The following LHFPL3 variants were observed in gnomAD, a reference collection of about 807,000 sequenced individuals.
LHFPL3 encodes LHFPL tetraspan subfamily member 3 protein.
Under a neutral mutation model 19.3 loss-of-function variants are expected in LHFPL3, and 5 were observed. The observed-to-expected ratio is 0.26, with a 90% confidence interval of 0.14 to 0.54. The LOEUF (loss-of-function observed/expected upper bound fraction) is 0.54, where lower values mean the gene tolerates loss of function less well. LHFPL3 is among the 20% of genes least tolerant of loss of function. The pLI is 0.94. For synonymous variants in LHFPL3, 133 were observed against 126.2 expected (o/e 1.05, Z -0.36); for missense variants, 249 against 307.4 (o/e 0.81, Z 1.42).
At chr7:104,445,196 T>C (rs534171201) in intron 1 of LHFPL3, among the ~76,000 whole-genome samples, 2 of 152,328 alleles carry the variant, frequency 1.3e-5, no homozygotes, top group African/African-American at 4.8e-5. Flanking sequence ...TCCTTAGAAA[T>C]ACTTAAGTGC....
rs1002706918 is a variant in LHFPL3, at chr7:104,607,551, G to A, written c.446-129124G>A. Reference sequence around the variant, plus strand: ...CACCATGAGTAAGTCCAGGAAGACCGAAGATCCAGGGGTTATTGAAAAAGG... The same window carrying A: ...CACCATGAGTAAGTCCAGGAAGACCAAAGATCCAGGGGTTATTGAAAAAGG... On this transcript the variant is annotated intron_variant, in intron 1 of 2. Coordinates refer to ENST00000424859, the MANE Select transcript of LHFPL3 (RefSeq NM_199000.3). 4.6e-5 allele frequency among the ~76,000 whole-genome samples: 7 copies of A among 152,300 alleles called. No individual in the cohort carries two copies. In the East Asian group the frequency reaches 9.6e-4, roughly 21 times the overall value.
chr7:104,442,533 G>C (rs1025461479), intron 1 of LHFPL3, among the ~76,000 whole-genome samples: 2 of 152,138 alleles, frequency 1.3e-5, no homozygotes, highest in African/African-American at 4.8e-5. Context: ...CTAAAGCTTT[G>C]TCAACTATTA....
At chr7:104,375,710 A>G (rs1790701828) in intron 1 of LHFPL3, among the ~76,000 whole-genome samples, 2 of 152,338 alleles carry the variant, frequency 1.3e-5, no homozygotes, top group Middle Eastern at 6.8e-3. Context: ...TGGTAGAGAC[A>G]ATGGGTGCAA....
At chr7:104,750,721 G>T (rs948363739) in intron 2 of LHFPL3, among the ~76,000 whole-genome samples, 3 of 152,168 alleles carry the variant, frequency 2.0e-5, no homozygotes, top group Admixed American at 6.5e-5. Flanking sequence ...TTGTTGTATT[G>T]TGGTAACTGG....
chr7:104,840,308 C>CTTTTTTTT (rs67980957), intron 2 of LHFPL3, among the ~76,000 whole-genome samples: 2 of 118,374 alleles, frequency 1.7e-5, no homozygotes, highest in African/African-American at 6.4e-5. Context: ...TGTGGGTTTT[C>CTTTTTTTT]TTTTTTTTTT....
chr7:104,802,514 AAG>A (rs199754702), intron 2 of LHFPL3, among the ~76,000 whole-genome samples: 2 of 141,646 alleles, frequency 1.4e-5, no homozygotes. Flanking sequence ...AAAAAAAAAA[AAG>A]AGAGAGAGAG....
At chr7:104,340,917 G>A (rs531744053) in intron 1 of LHFPL3, among the ~76,000 whole-genome samples, 28 of 152,284 alleles carry the variant, frequency 1.8e-4, no homozygotes, top group African/African-American at 6.7e-4. Flanking sequence ...AGGAAGCCAT[G>A]TTTTGAAGAA....
At chr7:104,761,670 T>A (rs1794373985) in intron 2 of LHFPL3, among the ~76,000 whole-genome samples, 1 of 152,186 alleles carries the variant, frequency 6.6e-6, no homozygotes, top group Admixed American at 6.5e-5. Context: ...GCAGGATCCC[T>A]TCATTTGATT....
chr7:104,864,203 T>G (rs1376260798), intron 2 of LHFPL3, among the ~76,000 whole-genome samples: 2 of 152,040 alleles, frequency 1.3e-5, no homozygotes, highest in East Asian at 3.9e-4. Context: ...AGAAGATGGG[T>G]TATTTCTGCA....
At chr7:104,648,123 C>T (rs1791964314) in intron 1 of LHFPL3, among the ~76,000 whole-genome samples, 1 of 152,176 alleles carries the variant, frequency 6.6e-6, no homozygotes, top group African/African-American at 2.4e-5. Flanking sequence ...GGGCCATTTC[C>T]ATCTATAGAT....
At chr7:104,667,889 G>A (rs1196881367) in intron 1 of LHFPL3, 4 of 1,612,318 alleles carry the variant, frequency 2.5e-6, no homozygotes, top group Non-Finnish European at 3.4e-6. Flanking sequence ...CGGATGACCT[G>A]GAAGGAGATG....
chr7:104,527,715 G>C (rs1265258929), intron 1 of LHFPL3, among the ~76,000 whole-genome samples: 2 of 152,160 alleles, frequency 1.3e-5, no homozygotes, highest in Non-Finnish European at 2.9e-5. Flanking sequence ...CCAGGCTACA[G>C]ACCCAAGAAG....
chr7:104,905,422 T>C (rs1357522921), intron 2 of LHFPL3, among the ~76,000 whole-genome samples: 1 of 152,062 alleles, frequency 6.6e-6, no homozygotes, highest in Non-Finnish European at 1.5e-5. Context: ...TATGCAGCCA[T>C]TGAAAATTCA....
In LHFPL3 at chr7:104,343,875, C is replaced by T. The variant is rs112269453; in HGVS notation, c.445+14651C>T. Among the ~76,000 whole-genome samples, 1,017 of 152,092 alleles carry T rather than the reference C, an allele frequency of 6.7e-3. 9 individuals carry two copies. Among genetic ancestry groups the T allele is most frequent in the African/African-American group, 0.023 (948 of 41,478 alleles). The stretch of plus-strand genomic sequence containing the variant: ...GTTTTGTGTTATTATCTTATATTTT[C>T]TTATAGTTTTATCAGTGATGTACAC... On this transcript the variant is annotated intron_variant, in intron 1 of 2. Transcript: ENST00000424859.
At chr7:104,444,312 G>A (rs144436403) in intron 1 of LHFPL3, among the ~76,000 whole-genome samples, 10 of 152,256 alleles carry the variant, frequency 6.6e-5, no homozygotes, top group South Asian at 2.1e-4. Flanking sequence ...TTTTTTTGGC[G>A]CTGTCAGAGA....
At chr7:104,883,068 C>G (rs1294529528) in intron 2 of LHFPL3, among the ~76,000 whole-genome samples, 2 of 152,130 alleles carry the variant, frequency 1.3e-5, no homozygotes, top group Non-Finnish European at 2.9e-5. Context: ...TTTTTATTTG[C>G]TAAATCTGGC....
At chr7:104,517,272 C>T (rs1793937929) in intron 1 of LHFPL3, among the ~76,000 whole-genome samples, 1 of 152,024 alleles carries the variant, frequency 6.6e-6, no homozygotes. Flanking sequence ...AACAAACCTG[C>T]ACATGTACCC....
rs140431216 is a variant in LHFPL3 at position 104,384,741 on chromosome 7, C to T, written c.445+55517C>T. ...GGTGGAGGTTGCCGTGAGCCAAGATCGTGCCACTGTACTCCAGCCTAGGCA... is the reference window on the plus strand; with the variant it reads ...GGTGGAGGTTGCCGTGAGCCAAGATTGTGCCACTGTACTCCAGCCTAGGCA... On this transcript the variant is annotated intron_variant, in intron 1 of 2. Transcript: ENST00000424859. 2.7e-4 allele frequency among the ~76,000 whole-genome samples: 39 copies of T among 142,968 alleles called. No homozygotes were observed. In the East Asian group the frequency reaches 6.3e-3, roughly 23 times the overall value. 93.8% of individuals were successfully genotyped at this position (142,968 alleles called of 152,430 possible). A position where few individuals can be genotyped will look rare whatever the true frequency, so the allele number is the denominator to read the frequency against.
In LHFPL3 at chr7:104,908,170, G is replaced by A. The variant is rs940628156; in HGVS notation, c.*1955G>A. Among the ~76,000 whole-genome samples, 6 of 152,094 alleles carry A rather than the reference G, an allele frequency of 3.9e-5. No individual in the cohort carries two copies. The highest frequency in any genetic ancestry group is 1.2e-4 in the African/African-American group (5 of 41,426). ...ATCCATGCAAACTACAAATTCCATC[G>A]GGAGTCCTACATCACTAACAGTGGT... On this transcript the variant is annotated 3_prime_UTR_variant, in exon 3 of 3. Coordinates refer to ENST00000424859, the MANE Select transcript of LHFPL3 (RefSeq NM_199000.3).
Sources: gnomAD v4.1 joint callset for allele counts (sites outside exome capture counted in the v4.1 genomes callset) on GRCh38, gnomAD v4.1.1 for gene constraint, MANE v1.5 for transcripts, NCBI Gene and HGNC (gene_info 2026-07-23, HGNC 2026-07-21) for gene names.